Variants in CARMIL3 observed in about 807,000 individuals in gnomAD.
CARMIL3 encodes the protein capping protein regulator and myosin 1 linker 3.
Under a neutral mutation model 180.8 loss-of-function variants are expected in CARMIL3, and 88 were observed. That is an observed-to-expected ratio of 0.49 (90% confidence interval 0.41 to 0.58). CARMIL3 has a LOEUF of 0.58. Ranked by LOEUF, CARMIL3 falls within the 20% of genes least tolerant of loss-of-function variation. The probability of loss-of-function intolerance (pLI) is 0.00; values close to 1 mark genes in which losing one functional copy is unlikely to be tolerated. For missense variants in CARMIL3, 1,548 were observed against 1,787.0 expected (o/e 0.87, Z 2.41); for synonymous variants, 696 against 714.5 (o/e 0.97, Z 0.41).
rs769233917 is a variant in CARMIL3, at chr14:24,064,963, C to G, written c.3086C>G (p.Pro1029Arg). 224 of 1,611,270 alleles carry G rather than the reference C, an allele frequency of 1.4e-4. No homozygotes were observed. The highest frequency in any genetic ancestry group is 1.8e-4 in the Non-Finnish European group (216 of 1,179,344). The change falls in exon 33 of 40, where the codon CCC becomes CGC. Residue 1029 changes from proline to arginine, a missense_variant. Around this residue, in one of 4 missense-constraint regions of CARMIL3, gnomAD observed 668 missense variants for 687.8 expected, o/e 0.97. Coordinates refer to ENST00000342740, the MANE Select transcript of CARMIL3 (RefSeq NM_138360.4). The stretch of plus-strand genomic sequence containing the variant: ...CTTACCCCGATTCTCCCCAGCTACC[C>G]CCGGACTCTGAGGACCGTGCGGCCA... Reference protein sequence around the residue: ...RRVLEESSSYPRTLRTVRPGL... With the variant: ...RRVLEESSSYRRTLRTVRPGL...
At chr14:24,060,515 A>G in intron 24 of CARMIL3, 113 bp from the exon 25 acceptor site, 1 of 1,477,562 alleles carries the variant, frequency 6.8e-7, no homozygotes, top group South Asian at 1.3e-5. Flanking sequence ...GGCCAGCCAG[A>G]GACATCACCT....
intron 34 of CARMIL3, 129 bp from the exon 35 acceptor site, chr14:24,066,269 A>G: frequency 8.9e-7 from 1 of 1,125,996 alleles, no homozygotes. Context: ...ACTCTTTGGG[A>G]AACAGTTTTA....
In CARMIL3 at chr14:24,058,839, C is replaced by G. The variant is rs775587167; in HGVS notation, c.1475-51C>G. 6.2e-6 allele frequency: 10 copies of G among 1,611,816 alleles called. No individual in the cohort carries two copies. The Admixed American group carries it at 6.7e-5, about 11-fold the overall frequency. Reference sequence around the variant, plus strand: ...GCATGCAGAAGCAGCCCTGATGGGACACCAGTCAGCCTCAGGCCTCCAGGC... The same window carrying G: ...GCATGCAGAAGCAGCCCTGATGGGAGACCAGTCAGCCTCAGGCCTCCAGGC... On this transcript the variant is annotated intron_variant, in intron 18 of 39. Transcript: ENST00000342740. The surrounding 1 kb of genome is among the most constrained non-coding windows in gnomAD (Gnocchi z 6.4).
chr14:24,056,863 G>A, intron 12 of CARMIL3, 52 bp from the exon 13 acceptor site: 1 of 1,580,634 alleles, frequency 6.3e-7, no homozygotes, highest in South Asian at 1.1e-5. Flanking sequence ...TATGTGCTGA[G>A]GGGAAGAGGT....
At chr14:24,054,000 C>T (rs1459546941) in intron 2 of CARMIL3, 88 bp from the exon 3 acceptor site, 30 of 1,475,226 alleles carry the variant, frequency 2.0e-5, no homozygotes, top group Non-Finnish European at 2.8e-5. Flanking sequence ...GGAGACACTC[C>T]AAGAGCAGAG....
chr14:24,054,121 C>A lies in CARMIL3; in HGVS notation c.169C>A (p.Leu57Ile). Residue 57 changes from leucine (L) to isoleucine (I), a missense_variant, in exon 3 of 40, where the codon CTT becomes ATT. Transcript: ENST00000342740. The surrounding 1 kb of genome is among the most constrained non-coding windows in gnomAD (Gnocchi z 5.1). ...CTCCTGGCGCCTCCACCTCTTCCTCCTTAAAGTCCCGGCCAAGGTGAGTTG... is the reference window on the plus strand; with the variant it reads ...CTCCTGGCGCCTCCACCTCTTCCTCATTAAAGTCCCGGCCAAGGTGAGTTG... ...LTSWRLHLFLLKVPAKVESSF... is the reference protein window; with the variant it reads ...LTSWRLHLFLIKVPAKVESSF... 6.2e-7 allele frequency: 1 copy of A among 1,614,148 alleles called. No individual in the cohort carries two copies. The highest frequency in any genetic ancestry group is 8.5e-7 in the Non-Finnish European group (1 of 1,180,016).
rs774695466 is a variant in CARMIL3 at position 24,059,740 on chromosome 14, G to T, written c.1868+8G>T. On this transcript the variant is annotated splice_region_variant and intron_variant, in intron 22 of 39. Coordinates refer to ENST00000342740, the MANE Select transcript of CARMIL3 (RefSeq NM_138360.4). The surrounding 1 kb of genome is among the most constrained non-coding windows in gnomAD (Gnocchi z 6.3). ...CGCAAGGGCCCTGGAGAGGTGAGTA[G>T]ACCATGGTCCTGCCCTGATCCAAGT... 8 of 1,613,756 alleles carry T rather than the reference G, an allele frequency of 5.0e-6. No homozygotes were observed. In the South Asian group the frequency reaches 8.8e-5, roughly 18 times the overall value.
At position 24,059,262 on chromosome 14, in the gene CARMIL3, CCA is replaced by C; in HGVS notation, c.1627-3_1627-2del. 6.2e-7 allele frequency: 1 copy of C among 1,613,854 alleles called. No individual in the cohort carries two copies. Among genetic ancestry groups the C allele is most frequent in the South Asian group, 1.1e-5 (1 of 91,076 alleles). ...GGGACTGGGTCCAACCGCCCCTTGC[CCA>C]CACAGTCCCTGCAGTCACTGTCGGT... On this transcript the variant is annotated splice_polypyrimidine_tract_variant and splice_region_variant and intron_variant, in intron 20 of 39. Coordinates refer to ENST00000342740, the MANE Select transcript of CARMIL3 (RefSeq NM_138360.4). The surrounding 1 kb of genome is among the most constrained non-coding windows in gnomAD (Gnocchi z 6.3).
Position 24,054,503 on chromosome 14 carries a change from T to A in CARMIL3, c.354T>A (p.Pro118=), listed in dbSNP as rs561201986. ...HVSSALSKVC[P]GPGCLIRRGN... ...GCTCTGCCCTGTCCAAGGTCTGCCC[T>A]GGCCCTGGGTGAGTGGCAAATAAGG... The change falls in exon 5 of 40, where the codon CCT becomes CCA. Residue 118 remains proline, a synonymous_variant. Coordinates refer to ENST00000342740, the MANE Select transcript of CARMIL3 (RefSeq NM_138360.4). The surrounding 1 kb of genome is among the most constrained non-coding windows in gnomAD (Gnocchi z 5.1). 1.2e-6 allele frequency: 2 copies of A among 1,611,306 alleles called. No individual in the cohort carries two copies. Among genetic ancestry groups the A allele is most frequent in the South Asian group, 2.2e-5 (2 of 91,064 alleles).
At position 24,059,351 on chromosome 14, in the gene CARMIL3, T is replaced by G; in HGVS notation, c.1708T>G (p.Cys570Gly). ...CATCAATGCCCTGGGCAGCAACACCTGCCTGGCCAAGGTGGATCTGAGCGG... is the reference window on the plus strand; with the variant it reads ...CATCAATGCCCTGGGCAGCAACACCGGCCTGGCCAAGGTGGATCTGAGCGG... ...ILINALGSNTCLAKVDLSGNG... is the reference protein window; with the variant it reads ...ILINALGSNTGLAKVDLSGNG... The change falls in exon 21 of 40, where the codon TGC (cysteine) becomes GGC (glycine). Residue 570 changes from cysteine to glycine, a missense_variant. Cys to Gly is a radical substitution (Grantham distance 159). Transcript: ENST00000342740. The surrounding 1 kb of genome is among the most constrained non-coding windows in gnomAD (Gnocchi z 6.3). The G allele has an allele frequency of 6.2e-7, 1 of 1,613,816 alleles. No homozygotes were observed. Among genetic ancestry groups the G allele is most frequent in the Non-Finnish European group, 8.5e-7 (1 of 1,179,926 alleles).
In CARMIL3 at chr14:24,057,974, C is replaced by T. The variant is rs2035690279; in HGVS notation, c.1232C>T (p.Ala411Val). 18 of 1,613,554 alleles carry T rather than the reference C, an allele frequency of 1.1e-5. No homozygotes were observed. Among genetic ancestry groups the T allele is most frequent in the Non-Finnish European group, 1.4e-5 (16 of 1,179,998 alleles). ...TCTCTCCACAGGAAGGGTCGAGAGG[C>T]CCCGCCGGCCTTCAAGCAGTTCTTC... ...NSCSHRKGRE[A>V]PPAFKQFFSS... The change falls in exon 16 of 40, where the codon GCC becomes GTC. Residue 411 changes from alanine (A) to valine (V), a missense_variant. This residue lies in a region of CARMIL3 where 578 missense variants were observed against 666.5 expected (regional missense o/e 0.87). Transcript: ENST00000342740.
intron 39 of CARMIL3, 56 bp downstream of exon 39, chr14:24,069,303 C>A: frequency 1.2e-6 from 2 of 1,610,832 alleles, no homozygotes; most frequent in Non-Finnish European, 8.5e-7. Flanking sequence ...CAACATGACA[C>A]CCCCCGAAGC....
intron 34 of CARMIL3, 78 bp from the exon 35 acceptor site, chr14:24,066,320 C>CTAGAG: frequency 6.6e-7 from 1 of 1,512,826 alleles, no homozygotes; most frequent in Admixed American, 1.8e-5. Flanking sequence ...CATGGAGATG[C>CTAGAG]TAGAGCAGAA....
At chr14:24,068,295 G>A (rs1300929944) in intron 36 of CARMIL3, among the ~76,000 whole-genome samples, 1 of 151,930 alleles carries the variant, frequency 6.6e-6, no homozygotes, top group Non-Finnish European at 1.5e-5. Flanking sequence ...TGTTCGGGAG[G>A]CTGAGACAGG....
intron 33 of CARMIL3, 63 bp from the exon 34 acceptor site, chr14:24,065,559 C>T: frequency 7.8e-6 from 12 of 1,542,914 alleles, no homozygotes; most frequent in Non-Finnish European, 1.0e-5. Flanking sequence ...CTGACAACTC[C>T]CTCACAGCCT....
chr14:24,063,235 GC>G, intron 30 of CARMIL3, 52 bp downstream of exon 30: 1 of 1,598,272 alleles, frequency 6.3e-7, no homozygotes, highest in Non-Finnish European at 8.6e-7. Context: ...GCCCTCTGTA[GC>G]CCCTCTTTCC....
In CARMIL3 at chr14:24,057,011, C is replaced by T. The variant is rs567587021; in HGVS notation, c.1049C>T (p.Thr350Met). ...DLSKNPGLLA[T>M]DEANALYSFL... Reference sequence around the variant, plus strand: ...AGCAAGAATCCTGGGCTCCTCGCCACGGATGAGGCCAATGTGAGTCCTCAG... The same window carrying T: ...AGCAAGAATCCTGGGCTCCTCGCCATGGATGAGGCCAATGTGAGTCCTCAG... The change falls in exon 13 of 40, where the codon ACG becomes ATG. Residue 350 changes from threonine (T) to methionine (M), a missense_variant. Physicochemically the swap from Thr to Met is moderately conservative, Grantham distance 81. This residue lies in a region of CARMIL3 where 578 missense variants were observed against 666.5 expected (regional missense o/e 0.87). Coordinates refer to ENST00000342740, the MANE Select transcript of CARMIL3 (RefSeq NM_138360.4). 3.0e-5 allele frequency: 48 copies of T among 1,613,244 alleles called. No individual in the cohort carries two copies. The highest frequency in any genetic ancestry group is 5.5e-5 in the South Asian group (5 of 90,906).
intron 33 of CARMIL3, 32 bp downstream of exon 33, chr14:24,065,305 C>G: frequency 6.8e-7 from 1 of 1,475,532 alleles, no homozygotes; most frequent in Non-Finnish European, 9.0e-7. Context: ...GTGTCTTCCC[C>G]TTTTCCTGCC....
In CARMIL3 at chr14:24,059,299, C is replaced by T. The variant is rs758791095; in HGVS notation, c.1656C>T (p.Ser552=). The T allele has an allele frequency of 2.5e-6, 4 of 1,613,816 alleles. No homozygotes were observed. The African/African-American group carries it at 5.3e-5, about 22-fold the overall frequency. ...TGCAGTCACTGTCGGTGGCAGACTC[C>T]CGGCTGAAGCTTCGCACCAGCATCC... ...CSLQSLSVAD[S]RLKLRTSILI... is the part of the protein sequence containing the mutation. The change falls in exon 21 of 40, where the codon TCC becomes TCT. Residue 552 remains serine, a synonymous_variant. Coordinates refer to ENST00000342740, the MANE Select transcript of CARMIL3 (RefSeq NM_138360.4). The surrounding 1 kb of genome is among the most constrained non-coding windows in gnomAD (Gnocchi z 6.3).
Sources: allele counts gnomAD v4.1 joint callset (sites outside exome capture counted in the v4.1 genomes callset), GRCh38; gene constraint gnomAD v4.1.1; regional missense constraint gnomAD v4.1.1; non-coding constraint Gnocchi (gnomAD v3.1); transcripts MANE v1.5; gene names NCBI Gene and HGNC (gene_info 2026-07-23, HGNC 2026-07-21).